The following GRIK2 variants were observed in gnomAD, a reference collection of about 807,000 sequenced individuals.
GRIK2 encodes the protein glutamate ionotropic receptor kainate type subunit 2.
Under a neutral mutation model 100.3 loss-of-function variants are expected in GRIK2, and 32 were observed. That is an observed-to-expected ratio of 0.32 (90% CI 0.24 to 0.43). The LOEUF (loss-of-function observed/expected upper bound fraction) is 0.43, where lower values mean the gene tolerates loss of function less well. GRIK2 is among the 20% of genes least tolerant of loss of function. GRIK2 has a pLI of 1.00. For missense variants in GRIK2, 843 were observed against 1,114.9 expected (o/e 0.76, Z 3.47); for synonymous variants, 417 against 389.4 (o/e 1.07, Z -0.83).
intron 11 of GRIK2, among the ~76,000 whole-genome samples, chr6:101,869,031 A>G (rs934859074): frequency 1.3e-5 from 2 of 151,856 alleles, no homozygotes; most frequent in Non-Finnish European, 2.9e-5. Context: ...GGAAAGGGTC[A>G]GGGAAGTCTT....
intron 2 of GRIK2, among the ~76,000 whole-genome samples, chr6:101,614,752 T>C (rs986296686): frequency 2.6e-5 from 4 of 151,712 alleles, no homozygotes; most frequent in African/African-American, 4.8e-5. Flanking sequence ...ACAGATGGTG[T>C]GCCATTTAGA....
rs1443843181 is a variant in GRIK2 at position 102,069,589 on chromosome 6, T to G, written c.*1078T>G. 6.6e-6 allele frequency: 1 copy of G among 151,868 alleles called. No homozygotes were observed. Among genetic ancestry groups the G allele is most frequent in the Non-Finnish European group, 1.5e-5 (1 of 67,942 alleles). The allele number at this position is 151,868 out of a possible 1,614,324, so 9.4% of individuals were successfully genotyped here. A position where few individuals can be genotyped will look rare whatever the true frequency, so the allele number is the denominator to read the frequency against. On this transcript the variant is annotated 3_prime_UTR_variant, in exon 17 of 17. Coordinates refer to ENST00000369134, the MANE Select transcript of GRIK2 (RefSeq NM_021956.5). ...AGAACTTGGAAGTGGACTGCGTTTA[T>G]CAATACAGTCACAATGTTAAATGAA...
At chr6:102,032,602 C>G (rs1770056652) in intron 14 of GRIK2, among the ~76,000 whole-genome samples, 1 of 151,294 alleles carries the variant, frequency 6.6e-6, no homozygotes, top group Non-Finnish European at 1.5e-5. Context: ...AATTATCCCT[C>G]CCATCGAGTT....
At chr6:101,897,955 A>G (rs144165162) in intron 12 of GRIK2, among the ~76,000 whole-genome samples, 4 of 151,836 alleles carry the variant, frequency 2.6e-5, no homozygotes, top group Admixed American at 2.6e-4. Context: ...ATGGTTGTCT[A>G]TGCAGTCTTG....
intron 15 of GRIK2, among the ~76,000 whole-genome samples, chr6:102,054,843 A>G (rs961810753): frequency 3.3e-5 from 5 of 152,154 alleles, no homozygotes; most frequent in Non-Finnish European, 5.9e-5. Flanking sequence ...ATTATCTGCT[A>G]AGTAAAAGAT....
At chr6:101,439,663 T>C in intron 2 of GRIK2, among the ~76,000 whole-genome samples, 1 of 152,078 alleles carries the variant, frequency 6.6e-6, no homozygotes, top group East Asian at 1.9e-4. Context: ...TACATGTAAA[T>C]ATGTATATTG....
intron 7 of GRIK2, among the ~76,000 whole-genome samples, chr6:101,705,976 G>T (rs1773266862): frequency 6.6e-6 from 1 of 151,850 alleles, no homozygotes; most frequent in African/African-American, 2.4e-5. Flanking sequence ...TAAATATTTT[G>T]TCCTTATCAA....
At chr6:101,493,924 T>C (rs1013724034) in intron 2 of GRIK2, among the ~76,000 whole-genome samples, 15 of 130,126 alleles carry the variant, frequency 1.2e-4, no homozygotes, top group African/African-American at 3.1e-4. Context: ...ATTATATATA[T>C]TTTATATATA....
At chr6:101,484,563 A>ACG (rs1772713161) in intron 2 of GRIK2, among the ~76,000 whole-genome samples, 1 of 151,992 alleles carries the variant, frequency 6.6e-6, no homozygotes, top group African/African-American at 2.4e-5. Flanking sequence ...ACACACACAC[A>ACG]CACACATATA....
intron 11 of GRIK2, among the ~76,000 whole-genome samples, chr6:101,866,944 A>G (rs1208252822): frequency 6.6e-6 from 1 of 151,662 alleles, no homozygotes; most frequent in Non-Finnish European, 1.5e-5. Context: ...GTTTTCATAT[A>G]GAAGTTTTAA....
At chr6:101,600,252 G>A (rs1779142618) in intron 2 of GRIK2, among the ~76,000 whole-genome samples, 1 of 151,716 alleles carries the variant, frequency 6.6e-6, no homozygotes, top group African/African-American at 2.4e-5. Flanking sequence ...CTTTTCCACT[G>A]GTCTTTGTGG....
At chr6:101,573,630 C>T (rs73506647) in intron 2 of GRIK2, among the ~76,000 whole-genome samples, 2 of 151,984 alleles carry the variant, frequency 1.3e-5, no homozygotes, top group Admixed American at 6.6e-5. Context: ...TACATTGTGA[C>T]AAAATATTTG....
intron 2 of GRIK2, among the ~76,000 whole-genome samples, chr6:101,438,073 T>A (rs1769835784): frequency 6.6e-6 from 1 of 152,152 alleles, no homozygotes; most frequent in Non-Finnish European, 1.5e-5. Context: ...AGTCTTTCTA[T>A]ATCTACATAT....
chr6:101,502,865 T>C (rs1773834784), intron 2 of GRIK2, among the ~76,000 whole-genome samples: 1 of 152,146 alleles, frequency 6.6e-6, no homozygotes, highest in Non-Finnish European at 1.5e-5. Flanking sequence ...AAGTGGAAGA[T>C]TGCAGGATAC....
intron 14 of GRIK2, among the ~76,000 whole-genome samples, chr6:101,975,463 G>A (rs1288614543): frequency 6.6e-6 from 1 of 151,858 alleles, no homozygotes; most frequent in South Asian, 2.1e-4. Flanking sequence ...CCAAGAAAAG[G>A]GCTTGTTGTA....
chr6:101,843,958 A>T (rs1011556376), intron 10 of GRIK2, among the ~76,000 whole-genome samples: 3 of 152,154 alleles, frequency 2.0e-5, no homozygotes, highest in Middle Eastern at 6.3e-3. Flanking sequence ...AGTAGATATC[A>T]TATCTTTTTA....
At chr6:102,008,737 A>C (rs1261647974) in intron 14 of GRIK2, among the ~76,000 whole-genome samples, 2 of 152,122 alleles carry the variant, frequency 1.3e-5, no homozygotes, top group Non-Finnish European at 2.9e-5. Context: ...GCAAACTCCT[A>C]GTGAATCATA....
intron 2 of GRIK2, among the ~76,000 whole-genome samples, chr6:101,465,410 C>T (rs1771588783): frequency 1.3e-5 from 2 of 152,144 alleles, no homozygotes; most frequent in South Asian, 4.1e-4. Flanking sequence ...GAGATAATGG[C>T]CTCCAGTCCC....
At chr6:101,942,999 G>A (rs762980644) in intron 14 of GRIK2, among the ~76,000 whole-genome samples, 9 of 152,182 alleles carry the variant, frequency 5.9e-5, no homozygotes, top group Non-Finnish European at 8.8e-5. Context: ...TCCTCCCTTC[G>A]CAGGCCTAGA....
Sources: gnomAD v4.1 joint callset for allele counts (sites outside exome capture counted in the v4.1 genomes callset) on GRCh38, gnomAD v4.1.1 for gene constraint, MANE v1.5 for transcripts, NCBI Gene and HGNC (gene_info 2026-07-23, HGNC 2026-07-21) for gene names.